Variants in NLRP2 observed in about 807,000 individuals in gnomAD.
The protein encoded by NLRP2 is NLR family pyrin domain containing 2, also known as NACHT, LRR and PYD domains-containing protein 2.
NLRP2 carries 107 observed loss-of-function variants against 97.2 expected under a neutral mutation model. The observed-to-expected ratio is 1.10, with a 90% CI of 0.94 to 1.29. The LOEUF is 1.29. Ranked by LOEUF, NLRP2 falls within the 50% of genes most tolerant of loss-of-function variation. The probability of loss-of-function intolerance (pLI) is 0.00; values close to 1 mark genes in which losing one functional copy is unlikely to be tolerated. For synonymous variants in NLRP2, 663 were observed against 551.5 expected (o/e 1.20, Z -2.83); for missense variants, 1,495 against 1,330.3 (o/e 1.12, Z -1.93).
rs1370378238 is a variant in NLRP2, at chr19:54,999,228, ACCTCCG to A, written c.3051-1526_3051-1521del. On this transcript the variant is annotated intron_variant, in intron 12 of 12. Transcript: ENST00000448584. The stretch of plus-strand genomic sequence containing the variant: ...AATGGCGCTATCTCGGCTTACTGCA[ACCTCCG>A]CCTCCCGGGTTCAAGAGGTTCTCCT... 2.0e-5 allele frequency among the ~76,000 whole-genome samples: 3 copies of A among 151,938 alleles called. 1 individual carries two copies. The highest frequency in any genetic ancestry group is 4.4e-5 in the Non-Finnish European group (3 of 67,938).
chr19:54,998,267 C>T (rs141019924), intron 12 of NLRP2, among the ~76,000 whole-genome samples: 2,103 of 152,012 alleles, frequency 0.014, 27 homozygotes, highest in Middle Eastern at 0.037. Flanking sequence ...ATTTGCCCAC[C>T]TCAGCATCCC....
At chr19:54,992,419 T>C (rs1654498) in intron 10 of NLRP2, among the ~76,000 whole-genome samples, 59,532 of 151,274 alleles carry the variant, frequency 0.39, 12,021 homozygotes, top group Middle Eastern at 0.52. Flanking sequence ...CCCTGAAACA[T>C]TAAAAAAGAA....
intron 10 of NLRP2, among the ~76,000 whole-genome samples, chr19:54,991,729 C>T (rs1250913237): frequency 2.7e-5 from 4 of 150,320 alleles, no homozygotes; most frequent in African/African-American, 9.8e-5. Flanking sequence ...ATTAGCTAGG[C>T]GTGGTGGTAT....
At chr19:54,975,673 C>T (rs578026786) in intron 3 of NLRP2, among the ~76,000 whole-genome samples, 9 of 151,760 alleles carry the variant, frequency 5.9e-5, no homozygotes, top group Non-Finnish European at 8.8e-5. Context: ...AGGATGGTCT[C>T]GATCTCCTGA....
intron 1 of NLRP2, among the ~76,000 whole-genome samples, chr19:54,966,825 C>CTTTTTTTTTTTTTT (rs1044701142): frequency 9.3e-5 from 7 of 74,994 alleles, no homozygotes; most frequent in Non-Finnish European, 1.2e-4. Context: ...CGCGCCCAGC[C>CTTTTTTTTTTTTTT]TTTTTTTTTT....
rs369187273 is a variant in NLRP2, at chr19:54,983,060, C to T, written c.1362C>T (p.Ala454=). The change falls in exon 6 of 13, where the codon GCC becomes GCT. Residue 454 remains alanine, a synonymous_variant. Coordinates refer to ENST00000448584, the MANE Select transcript of NLRP2 (RefSeq NM_017852.5). The part of the protein sequence containing the change: ...RGALRTLSLL[A]AQGLWAQTSV... ...CGCTGCGGACGCTGAGCCTCCTGGC[C>T]GCGCAGGGCCTGTGGGCGCAGACGT... 2.9e-5 allele frequency: 47 copies of T among 1,611,888 alleles called. No homozygotes were observed. The highest frequency in any genetic ancestry group is 1.8e-4 in the Middle Eastern group (1 of 5,654).
At chr19:54,967,668 G>C (rs1166127954) in intron 1 of NLRP2, among the ~76,000 whole-genome samples, 1 of 151,940 alleles carries the variant, frequency 6.6e-6, no homozygotes, top group Non-Finnish European at 1.5e-5. Flanking sequence ...ATTGGAACAG[G>C]TCAGATGCTG....
intron 4 of NLRP2, among the ~76,000 whole-genome samples, chr19:54,980,495 C>T (rs775592099): frequency 4.6e-5 from 7 of 152,122 alleles, no homozygotes; most frequent in African/African-American, 7.2e-5. Flanking sequence ...CGCCCAGCCG[C>T]GGGTAAAGAA....
In NLRP2 at chr19:54,982,650, C is replaced by T. The variant is rs371910953; in HGVS notation, c.952C>T (p.Leu318=). ...GAAGAAGAAGCCGGTGCCCGTCCTC[C>T]TGGGGAGTTTGCTGAACAGGGTGAT... is the stretch of plus-strand genomic sequence containing the variant. ...WEKKKPVPVL[L]GSLLNRVMLP... is the part of the protein sequence containing the mutation. Residue 318 remains leucine, a synonymous_variant, in exon 6 of 13, where the codon CTG becomes TTG. Coordinates refer to ENST00000448584, the MANE Select transcript of NLRP2 (RefSeq NM_017852.5). 48 of 1,614,036 alleles carry T rather than the reference C, an allele frequency of 3.0e-5. No individual in the cohort carries two copies. Among genetic ancestry groups the T allele is most frequent in the East Asian group, 2.2e-4 (10 of 44,890 alleles).
chr19:54,975,101 G>GTTTTTTTTTTTT (rs1190231820), intron 3 of NLRP2, among the ~76,000 whole-genome samples: 5 of 83,100 alleles, frequency 6.0e-5, no homozygotes, highest in Admixed American at 1.6e-4. Flanking sequence ...ACCACACCCG[G>GTTTTTTTTTTTT]TTTTGTTTTT....
At chr19:54,984,329 G>GTGTTTTT in intron 6 of NLRP2, among the ~76,000 whole-genome samples, 6 of 79,670 alleles carry the variant, frequency 7.5e-5, no homozygotes, top group African/African-American at 2.8e-4. Context: ...TTTTTTTTGT[G>GTGTTTTT]TTTTTTTTTT....
At chr19:54,997,293 G>A (rs367817776) in intron 11 of NLRP2, 24 bp from the exon 12 acceptor site, 226 of 1,612,180 alleles carry the variant, frequency 1.4e-4, no homozygotes, top group Non-Finnish European at 1.7e-4. Context: ...CTGCATTAAC[G>A]TGTTGATTTC....
At chr19:54,967,430 C>T (rs1456350800) in intron 1 of NLRP2, among the ~76,000 whole-genome samples, 2 of 152,014 alleles carry the variant, frequency 1.3e-5, no homozygotes, top group African/African-American at 4.8e-5. Context: ...TGCGGGGAGC[C>T]TAGATCATAC....
At chr19:54,976,901 G>T (rs1304579004) in intron 3 of NLRP2, 1 of 398,924 alleles carries the variant, frequency 2.5e-6, no homozygotes, top group Admixed American at 3.2e-5. Flanking sequence ...TGCAATCTCC[G>T]CCTCCTGGGT....
intron 4 of NLRP2, among the ~76,000 whole-genome samples, chr19:54,980,386 G>T (rs1372816323): frequency 6.6e-5 from 10 of 151,804 alleles, no homozygotes; most frequent in Non-Finnish European, 1.3e-4. Flanking sequence ...AGTAGAGACA[G>T]GGTTTCACCG....
intron 8 of NLRP2, among the ~76,000 whole-genome samples, chr19:54,987,106 A>G (rs1461180866): frequency 6.6e-6 from 1 of 151,116 alleles, no homozygotes; most frequent in East Asian, 2.0e-4. Flanking sequence ...GCTGGTCTCG[A>G]ACTCATGACC....
Position 54,985,677 on chromosome 19 carries a change from CAAAAAA to C in NLRP2, c.2202-458_2202-453del, listed in dbSNP as rs113852885. On this transcript the variant is annotated intron_variant, in intron 7 of 12. Coordinates refer to ENST00000448584, the MANE Select transcript of NLRP2 (RefSeq NM_017852.5). Reference sequence around the variant, plus strand: ...TGAGTGACAGAGCGAGACTGCGTCTCAAAAAAAAAAAAAAAAAAAAAGAAAAAGAAA... The same window carrying C: ...TGAGTGACAGAGCGAGACTGCGTCTCAAAAAAAAAAAAAAAGAAAAAGAAA... Among the ~76,000 whole-genome samples, 580 of 68,002 alleles carry C rather than the reference CAAAAAA, an allele frequency of 8.5e-3. 3 individuals are homozygous for C. Among genetic ancestry groups the C allele is most frequent in the African/African-American group, 0.022 (487 of 22,352 alleles). 44.6% of individuals were successfully genotyped at this position (68,002 alleles called of 152,430 possible).
intron 6 of NLRP2, among the ~76,000 whole-genome samples, chr19:54,984,336 T>G (rs1353757432): frequency 1.7e-4 from 18 of 107,552 alleles, no homozygotes; most frequent in African/African-American, 3.1e-4. Flanking sequence ...TGTGTTTTTT[T>G]TTTTTTTTTT....
At chr19:54,970,484 A>C (rs2070774876) in intron 2 of NLRP2, among the ~76,000 whole-genome samples, 189 bp downstream of exon 2, 1 of 152,026 alleles carries the variant, frequency 6.6e-6, no homozygotes, top group African/African-American at 2.4e-5. Flanking sequence ...ATGAAACAGC[A>C]TCTCTACTAA....
Sources: allele counts gnomAD v4.1 joint callset (sites outside exome capture counted in the v4.1 genomes callset), GRCh38; gene constraint gnomAD v4.1.1; transcripts MANE v1.5; gene names NCBI Gene and HGNC (gene_info 2026-07-23, HGNC 2026-07-21).